MIER1: variants seen among roughly 807,000 people sequenced by gnomAD.
The protein encoded by MIER1 is mesoderm induction early response protein 1.
In MIER1, 40 loss-of-function variants were observed where a neutral mutation model predicts 75.7. The observed-to-expected ratio is 0.53, with a 90% confidence interval of 0.41 to 0.69. MIER1 has a LOEUF of 0.69. MIER1 is among the 30% of genes least tolerant of loss of function. The pLI is 0.00. For synonymous variants in MIER1, 213 were observed against 223.4 expected, an observed-to-expected ratio of 0.95 and a Z score of 0.42; for missense variants, 574 against 680.2, an observed-to-expected ratio of 0.84 and a Z score of 1.74.
Position 66,985,583 on chromosome 1 carries a change from ATT to A in MIER1, c.*687_*688del. 4 of 985,318 alleles carry A rather than the reference ATT, an allele frequency of 4.1e-6. No homozygotes were observed. The highest frequency in any genetic ancestry group is 4.8e-6 in the Non-Finnish European group (4 of 829,780). The allele number at this position is 985,318 out of a possible 1,614,324, so 61.0% of individuals were successfully genotyped here. On this transcript the variant is annotated 3_prime_UTR_variant, in exon 14 of 14. Coordinates refer to ENST00000401041, the MANE Select transcript of MIER1 (RefSeq NM_001077700.3). ...CCAGATTCTTTGTAGCCTTTGAAAG[ATT>A]TTTACAGTACATATGTCTTGACTGA... is the stretch of plus-strand genomic sequence containing the variant.
intron 7 of MIER1, 137 bp downstream of exon 7, chr1:66,959,880 G>A (rs2101718164): frequency 2.5e-6 from 1 of 394,822 alleles, no homozygotes; most frequent in Admixed American, 4.8e-5. Context: ...TTAAATGTTT[G>A]GTAAATGTTC....
At chr1:66,957,876 T>G (rs1660485744) in intron 4 of MIER1, among the ~76,000 whole-genome samples, 183 bp from the exon 5 acceptor site, 1 of 152,174 alleles carries the variant, frequency 6.6e-6, no homozygotes, top group African/African-American at 2.4e-5. Flanking sequence ...TAGAAATACT[T>G]AAAAGATTGG....
At chr1:66,946,752 G>A in intron 4 of MIER1, 2 of 985,526 alleles carry the variant, frequency 2.0e-6, no homozygotes, top group Non-Finnish European at 2.4e-6. Flanking sequence ...TCCTATCAAG[G>A]TGACCAGTGA....
Position 66,946,278 on chromosome 1 carries a change from A to T in MIER1, c.322A>T (p.Ile108Leu). The T allele has an allele frequency of 3.1e-6, 5 of 1,608,364 alleles. No individual in the cohort carries two copies. The highest frequency in any genetic ancestry group is 3.4e-6 in the Non-Finnish European group (4 of 1,178,520). Residue 108 changes from isoleucine (I) to leucine (L), a missense_variant, in exon 4 of 14, where the codon ATA (isoleucine) becomes TTA (leucine). Physicochemically the swap from Ile to Leu is conservative, Grantham distance 5. Coordinates refer to ENST00000401041, the MANE Select transcript of MIER1 (RefSeq NM_001077700.3). ...MEGETNFSSE[I>L]EDLAREGDMP... ...AGGAGAAACAAACTTCAGCTCTGAA[A>T]TAGAAGATCTTGCAAGGGTAAATAA...
rs370376376 is a variant in MIER1, at chr1:66,930,044, C to A, written c.168+3802C>A. The stretch of plus-strand genomic sequence containing the variant: ...CCTGGAGTGGCGGATCAGCTGGAGC[C>A]AGCGAAGCGCCCCGCGCGGTTGCCC... On this transcript the variant is annotated intron_variant, in intron 2 of 13. Coordinates refer to ENST00000401041, the MANE Select transcript of MIER1 (RefSeq NM_001077700.3). Among the ~76,000 whole-genome samples the A allele has an allele frequency of 1.2e-4, 19 of 152,238 alleles. No individual in the cohort carries two copies. In the East Asian group the frequency reaches 2.9e-3, roughly 23 times the overall value.
chr1:66,968,968 A>C (rs1414185053), intron 8 of MIER1, among the ~76,000 whole-genome samples: 1 of 152,188 alleles, frequency 6.6e-6, no homozygotes, highest in Non-Finnish European at 1.5e-5. Flanking sequence ...GATCCCAAAA[A>C]TATAAGAACT....
At chr1:66,943,613 T>A (rs1656769009) in intron 3 of MIER1, among the ~76,000 whole-genome samples, 1 of 152,062 alleles carries the variant, frequency 6.6e-6, no homozygotes, top group South Asian at 2.1e-4. Flanking sequence ...TGAGATGAGG[T>A]CTCACTGTGT....
intron 4 of MIER1, among the ~76,000 whole-genome samples, chr1:66,954,778 C>T (rs889110377): frequency 1.3e-5 from 2 of 151,860 alleles, no homozygotes. Flanking sequence ...ATGATCTCAG[C>T]TCACTGCAAC....
chr1:66,982,668 T>C (rs1666135289), intron 13 of MIER1, among the ~76,000 whole-genome samples: 1 of 152,224 alleles, frequency 6.6e-6, no homozygotes, highest in South Asian at 2.1e-4. Flanking sequence ...AGTGAAGAGC[T>C]GACTTCTTCC....
At chr1:66,981,941 C>A (rs767520812) in intron 13 of MIER1, 23 bp downstream of exon 13, 3 of 1,611,114 alleles carry the variant, frequency 1.9e-6, no homozygotes, top group African/African-American at 2.7e-5. Context: ...AGAAACATTT[C>A]TCTTTCTTCA....
intron 2 of MIER1, among the ~76,000 whole-genome samples, chr1:66,930,089 T>A (rs951757057): frequency 2.0e-5 from 3 of 151,610 alleles, no homozygotes. Context: ...CACACCCACC[T>A]TGACTCCGCC....
chr1:66,947,491 A>G (rs1657929534), intron 4 of MIER1: 2 of 152,076 alleles, frequency 1.3e-5, no homozygotes, highest in South Asian at 4.1e-4. Flanking sequence ...CTCTTTCAAT[A>G]TCTTATTTCT....
intron 4 of MIER1, among the ~76,000 whole-genome samples, chr1:66,952,456 T>C (rs1659192139): frequency 6.6e-6 from 1 of 152,158 alleles, no homozygotes; most frequent in South Asian, 2.1e-4. Flanking sequence ...CATCAGAATT[T>C]GGGGGTGCAG....
At chr1:66,930,133 G>A in intron 2 of MIER1, 4 of 1,074,384 alleles carry the variant, frequency 3.7e-6, no homozygotes, top group Non-Finnish European at 4.7e-6. Flanking sequence ...CTGGCCGCGG[G>A]GCCGCGCGCG....
At chr1:66,928,226 GTTAT>G (rs1652286037) in intron 2 of MIER1, among the ~76,000 whole-genome samples, 1 of 151,954 alleles carries the variant, frequency 6.6e-6, no homozygotes, top group African/African-American at 2.4e-5. Context: ...AACTTAAAGA[GTTAT>G]TTAACAGTAA....
chr1:66,933,380 T>G (rs1298452284), intron 2 of MIER1, among the ~76,000 whole-genome samples: 1 of 152,202 alleles, frequency 6.6e-6, no homozygotes, highest in Non-Finnish European at 1.5e-5. Context: ...ATTCAAGACC[T>G]GTCTTTTCAC....
chr1:66,925,582 A>T, intron 1 of MIER1: 1 of 980,064 alleles, frequency 1.0e-6, no homozygotes. Flanking sequence ...GGAGTCAGGG[A>T]GGGAGGAGAG....
chr1:66,946,960 G>A (rs181137575), intron 4 of MIER1: 4 of 985,328 alleles, frequency 4.1e-6, no homozygotes, highest in East Asian at 2.3e-4. Flanking sequence ...TTTACATGTT[G>A]GCAGTTTGTG....
chr1:66,947,914 C>T (rs1037735246), intron 4 of MIER1: 13 of 985,328 alleles, frequency 1.3e-5, no homozygotes, highest in Non-Finnish European at 1.6e-5. Context: ...ATCCCAAGGC[C>T]GGCTCCTTAT....
Sources: gnomAD v4.1 joint callset for allele counts (sites outside exome capture counted in the v4.1 genomes callset) on GRCh38, gnomAD v4.1.1 for gene constraint, MANE v1.5 for transcripts, NCBI Gene and HGNC (gene_info 2026-07-23, HGNC 2026-07-21) for gene names.